Variants in ZNF841 observed in about 807,000 individuals in gnomAD.
The protein encoded by ZNF841 is zinc finger protein 841, also known as TCONS_00006091.
ZNF841 carries 11 observed loss-of-function variants against 13.0 expected under a neutral mutation model. That is an observed-to-expected ratio of 0.85 (90% CI 0.53 to 1.40). ZNF841 has a LOEUF of 1.40. ZNF841 is among the 40% of genes most tolerant of loss of function. ZNF841 has a pLI of 0.00. For synonymous variants in ZNF841, 369 were observed against 381.6 expected (o/e 0.97, Z 0.38); for missense variants, 1,068 against 1,139.5 (o/e 0.94, Z 0.90).
At chr19:52,091,381 A>C (rs901167774) in intron 2 of ZNF841, among the ~76,000 whole-genome samples, 1 of 152,242 alleles carries the variant, frequency 6.6e-6, no homozygotes, top group Non-Finnish European at 1.5e-5. Context: ...AAAAACTCCA[A>C]AGAGCCAAAG....
intron 6 of ZNF841, among the ~76,000 whole-genome samples, chr19:52,067,823 C>G (rs12459296): frequency 6.6e-6 from 1 of 151,894 alleles, no homozygotes; most frequent in Non-Finnish European, 1.5e-5. Context: ...TTAGGAAAGC[C>G]TAGTTTCAAA....
chr19:52,080,572 A>G (rs2088065065), intron 4 of ZNF841, among the ~76,000 whole-genome samples: 1 of 152,222 alleles, frequency 6.6e-6, no homozygotes, highest in South Asian at 2.1e-4. Context: ...GAATATAAGC[A>G]CTGACAAGAA....
In ZNF841 at chr19:52,065,169, T is replaced by A. The variant is rs61743893; in HGVS notation, c.2713A>T (p.Thr905Ser). ...GGCCTTTCCACATTGAGTTTAGTTG[T>A]AAGGTTCTCTCCAGCATGTTTTATC... ...HQIKHAGENL[T>S]TKLNVERPLD... The change falls in exon 7 of 7, where the codon ACA (threonine) becomes TCA (serine). Residue 905 changes from threonine to serine, a missense_variant. Transcript: ENST00000594440. 1.3e-6 allele frequency: 2 copies of A among 1,586,072 alleles called. No individual in the cohort carries two copies. The highest frequency in any genetic ancestry group is 1.7e-6 in the Non-Finnish European group (2 of 1,166,486).
At chr19:52,072,789 A>G (rs944769980) in intron 6 of ZNF841, among the ~76,000 whole-genome samples, 1 of 152,226 alleles carries the variant, frequency 6.6e-6, no homozygotes, top group African/African-American at 2.4e-5. Flanking sequence ...ACTGCACTCC[A>G]GCCTGGACAA....
intron 6 of ZNF841, among the ~76,000 whole-genome samples, chr19:52,072,733 C>T (rs796132981): frequency 5.3e-5 from 8 of 152,150 alleles, no homozygotes; most frequent in African/African-American, 1.2e-4. Flanking sequence ...GCAGGAGAAT[C>T]GCTTGAACCC....
intron 3 of ZNF841, 72 bp from the exon 4 acceptor site, chr19:52,084,950 A>G (rs1383409004): frequency 4.9e-6 from 4 of 809,548 alleles, no homozygotes; most frequent in Non-Finnish European, 7.7e-6. Flanking sequence ...CCATGCCCAC[A>G]GGGAAGGCCT....
chr19:52,065,964 G>T lies in ZNF841; in HGVS notation c.1918C>A (p.Leu640Ile). 6.2e-7 allele frequency: 1 copy of T among 1,614,174 alleles called. No individual in the cohort carries two copies. The highest frequency in any genetic ancestry group is 1.1e-5 in the South Asian group (1 of 91,080). Residue 640 changes from leucine to isoleucine, a missense_variant, in exon 7 of 7, where the codon CTA becomes ATA. Transcript: ENST00000594440. ...GTATGAATTTTCCGATGACGTGCTA[G>T]GCATGAGTAGTAACTGAAGACCTTG... ...CGKVFSYYSC[L>I]ARHRKIHTGE...
At chr19:52,067,881 A>G (rs1030290718) in intron 6 of ZNF841, among the ~76,000 whole-genome samples, 1 of 152,202 alleles carries the variant, frequency 6.6e-6, no homozygotes, top group African/African-American at 2.4e-5. Flanking sequence ...TATGAGCACC[A>G]AAACAAGTAT....
Position 52,083,252 on chromosome 19 carries a change from G to A in ZNF841, c.15+1535C>T, listed in dbSNP as rs987041125. ...TCCTCAATGAAACATGAGGCATGGT[G>A]GAGAATGTGACAGGGAAAAGGAACC... is the stretch of plus-strand genomic sequence containing the variant. On this transcript the variant is annotated intron_variant, in intron 4 of 6. Coordinates refer to ENST00000594440, the MANE Select transcript of ZNF841 (RefSeq NM_001136499.2). 2.6e-5 allele frequency among the ~76,000 whole-genome samples: 4 copies of A among 152,032 alleles called. No individual in the cohort carries two copies. In the East Asian group the frequency reaches 5.8e-4, roughly 22 times the overall value.
At chr19:52,077,229 T>G (rs2087933737) in intron 4 of ZNF841, 145 bp from the exon 5 acceptor site, 1 of 934,582 alleles carries the variant, frequency 1.1e-6, no homozygotes, top group African/African-American at 1.7e-5. Context: ...TAATTACGTC[T>G]CCCTGATTTT....
chr19:52,072,461 C>T (rs1241428599), intron 6 of ZNF841, among the ~76,000 whole-genome samples: 1 of 152,068 alleles, frequency 6.6e-6, no homozygotes, highest in African/African-American at 2.4e-5. Context: ...AGACTAAAAT[C>T]GTAAAGCATA....
At chr19:52,064,067 G>A (rs376015489), downstream of ZNF841, among the ~76,000 whole-genome samples, 13 of 151,836 alleles carry the variant, frequency 8.6e-5, no homozygotes, top group African/African-American at 2.4e-4. Flanking sequence ...TATTCTGGCC[G>A]GGCGCAGTGG....
chr19:52,062,067 G>A (rs1055062016), downstream of ZNF841, among the ~76,000 whole-genome samples: 1 of 152,090 alleles, frequency 6.6e-6, no homozygotes, highest in African/African-American at 2.4e-5. Context: ...CCTATTGCAG[G>A]TCCCCTTCTC....
chr19:52,065,216 C>A lies in ZNF841; in HGVS notation c.2666G>T (p.Arg889Leu). 6.2e-7 allele frequency: 1 copy of A among 1,612,252 alleles called. No homozygotes were observed. Among genetic ancestry groups the A allele is most frequent in the East Asian group, 2.2e-5 (1 of 44,878 alleles). ...TATCTGATGTTTAGTGAGGCCTGAG[C>A]GACTAATGTAAGATTTGCCACACTC... Reference protein sequence around the residue: ...CNECGKSYISRSGLTKHQIKH... With the variant: ...CNECGKSYISLSGLTKHQIKH... The change falls in exon 7 of 7, where the codon CGC becomes CTC. Residue 889 changes from arginine (R) to leucine (L), a missense_variant. Arg to Leu is a moderately radical substitution (Grantham distance 102). Transcript: ENST00000594440.
chr19:52,083,051 G>A (rs1193496405), intron 4 of ZNF841, among the ~76,000 whole-genome samples: 2 of 150,174 alleles, frequency 1.3e-5, no homozygotes, highest in East Asian at 3.9e-4. Flanking sequence ...CTGCACTCCA[G>A]CCTGGGCGAC....
chr19:52,091,752 G>A (rs1028330310), intron 2 of ZNF841, among the ~76,000 whole-genome samples: 1 of 152,238 alleles, frequency 6.6e-6, no homozygotes, highest in African/African-American at 2.4e-5. Context: ...TAGAAAAAAA[G>A]CTCCTTGACA....
chr19:52,059,733 T>C (rs187328163), downstream of ZNF841, among the ~76,000 whole-genome samples: 3 of 152,270 alleles, frequency 2.0e-5, no homozygotes, highest in East Asian at 5.8e-4. Flanking sequence ...GCAGGAAACC[T>C]AAGGCTGTTT....
At chr19:52,074,572 C>CA (rs57585101) in intron 6 of ZNF841, among the ~76,000 whole-genome samples, 47,000 of 151,940 alleles carry the variant, frequency 0.31, 7,713 homozygotes, top group South Asian at 0.59. Context: ...GGCTAGAGTG[C>CA]ATGGCGCAAT....
At chr19:52,087,198 G>A (rs778609993) in intron 3 of ZNF841, among the ~76,000 whole-genome samples, 3 of 152,162 alleles carry the variant, frequency 2.0e-5, no homozygotes, top group African/African-American at 4.8e-5. Flanking sequence ...AAGTATTTTC[G>A]TTGTTTTCTT....
Sources: allele counts gnomAD v4.1 joint callset (sites outside exome capture counted in the v4.1 genomes callset), GRCh38; gene constraint gnomAD v4.1.1; transcripts MANE v1.5; gene names NCBI Gene and HGNC (gene_info 2026-07-23, HGNC 2026-07-21).